FAM184A: variants seen among roughly 807,000 people sequenced by gnomAD.
FAM184A encodes family with sequence similarity 184 member A.
A neutral mutation model predicts 143.8 loss-of-function variants in FAM184A; 99 were observed. That is an observed-to-expected ratio of 0.69 (90% CI 0.58 to 0.81). FAM184A has a LOEUF of 0.81. FAM184A is among the 40% of genes least tolerant of loss of function. The probability of loss-of-function intolerance (pLI) is 0.00; values close to 1 mark genes in which losing one functional copy is unlikely to be tolerated. For missense variants in FAM184A, 1,217 were observed against 1,310.5 expected (o/e 0.93, Z 1.10); for synonymous variants, 427 against 446.4 (o/e 0.96, Z 0.55).
intron 1 of FAM184A, among the ~76,000 whole-genome samples, chr6:119,115,828 G>T (rs916626863): frequency 1.3e-5 from 2 of 151,804 alleles, no homozygotes. Context: ...AAATAGCCTG[G>T]TATGGTGGCA....
At chr6:119,067,004 T>C (rs751536611) in intron 1 of FAM184A, among the ~76,000 whole-genome samples, 2 of 152,244 alleles carry the variant, frequency 1.3e-5, no homozygotes, top group Non-Finnish European at 2.9e-5. Flanking sequence ...ATGATGACTA[T>C]GAAAGATTTT....
intron 1 of FAM184A, among the ~76,000 whole-genome samples, chr6:119,089,670 C>G (rs1192164791): frequency 6.6e-6 from 1 of 152,094 alleles, no homozygotes; most frequent in Non-Finnish European, 1.5e-5. Flanking sequence ...CAATCATGCT[C>G]CAACTCTCAC....
intron 2 of FAM184A, 69 bp downstream of exon 2, chr6:119,023,890 C>T (rs570068432): frequency 2.1e-6 from 3 of 1,435,918 alleles, no homozygotes; most frequent in Admixed American, 4.7e-5. Context: ...AGACTGCTCT[C>T]CAGCCTACAA....
At chr6:119,055,387 G>A (rs899852934) in intron 1 of FAM184A, among the ~76,000 whole-genome samples, 10 of 152,272 alleles carry the variant, frequency 6.6e-5, no homozygotes, top group African/African-American at 2.2e-4. Flanking sequence ...GTGGATGTAT[G>A]TTTTTAATTT....
intron 11 of FAM184A, among the ~76,000 whole-genome samples, chr6:118,979,099 G>C (rs1783940032): frequency 6.6e-6 from 1 of 152,178 alleles, no homozygotes; most frequent in Non-Finnish European, 1.5e-5. Context: ...TCAATGTCCT[G>C]AGTCCACTTA....
At chr6:118,986,475 A>G (rs1784200353) in intron 9 of FAM184A, among the ~76,000 whole-genome samples, 2 of 152,278 alleles carry the variant, frequency 1.3e-5, no homozygotes, top group East Asian at 1.9e-4. Context: ...GGGAGTGGGC[A>G]GGTGCTCATC....
At chr6:119,128,653 G>A (rs117810754) in intron 1 of FAM184A, among the ~76,000 whole-genome samples, 8 of 152,190 alleles carry the variant, frequency 5.3e-5, no homozygotes, top group Non-Finnish European at 1.0e-4. Context: ...AAGAAAATGT[G>A]TGATTAAAAA....
intron 1 of FAM184A, among the ~76,000 whole-genome samples, chr6:119,125,412 A>T (rs1384733373): frequency 6.6e-6 from 1 of 152,108 alleles, no homozygotes; most frequent in Non-Finnish European, 1.5e-5. Context: ...AGTAGCTGGG[A>T]CTATAGGTCG....
intron 1 of FAM184A, among the ~76,000 whole-genome samples, chr6:119,090,117 C>G (rs1321322081): frequency 1.3e-5 from 2 of 152,106 alleles, no homozygotes; most frequent in Admixed American, 6.5e-5. Context: ...CAAGCAGGGA[C>G]TGAATAAGTT....
chr6:119,020,026 G>A lies in FAM184A; in HGVS notation c.1284C>T (p.Thr428=), dbSNP rs201683480. Residue 428 remains threonine, a synonymous_variant, in exon 4 of 18, where the codon ACC becomes ACT. Transcript: ENST00000338891. ...GCTTCTGCTCTTCATCCAGACTTTG[G>A]GTTTTGCTTCGCAAAAAAGCTCTTT... ...EEERAFLRSK[T]QSLDEEQKQQ... is the part of the protein sequence containing the mutation. 378 of 1,604,348 alleles carry A rather than the reference G, an allele frequency of 2.4e-4. 1 individual carries two copies. The African/African-American group carries it at 4.7e-3, about 20-fold the overall frequency.
intron 5 of FAM184A, among the ~76,000 whole-genome samples, chr6:119,014,728 T>C (rs1052708605): frequency 3.3e-5 from 5 of 152,204 alleles, no homozygotes; most frequent in African/African-American, 9.6e-5. Context: ...CTTTGAACCA[T>C]GACTTCAAGA....
rs1210616171 is a variant in FAM184A, at chr6:119,031,640, TA to T, written c.160-6828del. ...AAAATCTAACTCATTAGTCATAAGA[TA>T]AATTCACTGAAAGAGTAATAAAGCA... On this transcript the variant is annotated intron_variant, in intron 1 of 17. Transcript: ENST00000338891. The T allele has an allele frequency of 1.2e-4, 19 of 152,364 alleles. 1 individual carries two copies. The highest frequency in any genetic ancestry group is 4.3e-4 in the African/African-American group (18 of 41,594). The allele number at this position is 152,364 out of a possible 1,614,324, so 9.4% of individuals were successfully genotyped here.
chr6:119,048,002 T>A lies in FAM184A; in HGVS notation c.160-23189A>T, dbSNP rs528836156. Among the ~76,000 whole-genome samples, 236 of 152,064 alleles carry A rather than the reference T, an allele frequency of 1.6e-3. 1 individual carries two copies. The highest frequency in any genetic ancestry group is 3.0e-3 in the Non-Finnish European group (203 of 68,016). On this transcript the variant is annotated intron_variant, in intron 1 of 17. Coordinates refer to ENST00000338891, the MANE Select transcript of FAM184A (RefSeq NM_024581.6). ...CTTAACAAAATACTTGCAAACCAAA[T>A]CCAGCAGCATATCAAAAAGCTAATC... is the stretch of plus-strand genomic sequence containing the variant.
intron 1 of FAM184A, among the ~76,000 whole-genome samples, chr6:119,089,206 A>ATTTAT (rs1390855381): frequency 7.4e-6 from 1 of 135,694 alleles, no homozygotes; most frequent in Non-Finnish European, 1.6e-5. Flanking sequence ...TTATTTATTT[A>ATTTAT]TTTTTTTATT....
intron 9 of FAM184A, among the ~76,000 whole-genome samples, chr6:118,985,624 C>T (rs1443088520): frequency 6.6e-6 from 1 of 152,170 alleles, no homozygotes; most frequent in Non-Finnish European, 1.5e-5. Flanking sequence ...TGTTCTCCCT[C>T]CTTCCTTTCT....
chr6:119,145,997 C>T (rs780025287), intron 1 of FAM184A, among the ~76,000 whole-genome samples: 3 of 152,134 alleles, frequency 2.0e-5, no homozygotes, highest in Non-Finnish European at 4.4e-5. Flanking sequence ...TAGTATTGCA[C>T]AGGTATTTCC....
intron 1 of FAM184A, among the ~76,000 whole-genome samples, chr6:119,142,566 G>A (rs1050920811): frequency 3.3e-5 from 5 of 152,160 alleles, no homozygotes; most frequent in Admixed American, 6.5e-5. Flanking sequence ...TTAACATCGC[G>A]AGTCAAGCAG....
chr6:119,019,897 G>C, intron 4 of FAM184A, 81 bp downstream of exon 4: 1 of 1,293,082 alleles, frequency 7.7e-7, no homozygotes, highest in Non-Finnish European at 1.1e-6. Flanking sequence ...GGAGTAGCAA[G>C]AAATACTCCA....
At chr6:118,960,669 AAAT>A in intron 17 of FAM184A, 1 of 498,720 alleles carries the variant, frequency 2.0e-6, no homozygotes, top group South Asian at 2.1e-5. Context: ...AGAACACTAA[AAAT>A]ATAATTTCCC....
Sources: allele counts gnomAD v4.1 joint callset (sites outside exome capture counted in the v4.1 genomes callset), GRCh38; gene constraint gnomAD v4.1.1; transcripts MANE v1.5; gene names NCBI Gene and HGNC (gene_info 2026-07-23, HGNC 2026-07-21).